Variants in EPHA6 observed in about 807,000 individuals in gnomAD.
The protein encoded by EPHA6 is ephrin type-A receptor 6.
A neutral mutation model predicts 112.0 loss-of-function variants in EPHA6; 50 were observed. That is an observed-to-expected ratio of 0.45 (90% confidence interval 0.36 to 0.56). The LOEUF (loss-of-function observed/expected upper bound fraction) is 0.56, where lower values mean the gene tolerates loss of function less well. Among genes scored for constraint, EPHA6 ranks in the 20% least tolerant of loss-of-function variants. The pLI is 0.00. For missense variants in EPHA6, 1,280 were observed against 1,417.4 expected, an observed-to-expected ratio of 0.90 and a Z score of 1.56; for synonymous variants, 529 against 490.7, an observed-to-expected ratio of 1.08 and a Z score of -1.03.
intron 10 of EPHA6, among the ~76,000 whole-genome samples, chr3:97,514,462 A>T (rs1327509451): frequency 6.6e-6 from 1 of 152,138 alleles, no homozygotes; most frequent in Non-Finnish European, 1.5e-5. Context: ...CTTTTTTGCT[A>T]AACATGGTAA....
intron 6 of EPHA6, among the ~76,000 whole-genome samples, chr3:97,443,600 A>G (rs1236542253): frequency 6.6e-6 from 1 of 152,094 alleles, no homozygotes; most frequent in Non-Finnish European, 1.5e-5. Flanking sequence ...TGCCTCCTAT[A>G]TTACTTAATA....
intron 3 of EPHA6, among the ~76,000 whole-genome samples, chr3:96,988,536 A>G (rs1203683514): frequency 6.6e-6 from 1 of 152,180 alleles, no homozygotes; most frequent in Non-Finnish European, 1.5e-5. Context: ...TTGAATTATA[A>G]TACTTGAATT....
intron 13 of EPHA6, among the ~76,000 whole-genome samples, chr3:97,625,432 C>A (rs1030595937): frequency 1.3e-5 from 2 of 151,686 alleles, no homozygotes; most frequent in South Asian, 4.1e-4. Context: ...TATTTGAAAT[C>A]TCTTGATACT....
chr3:96,942,316 A>T (rs977548349), intron 2 of EPHA6, among the ~76,000 whole-genome samples: 1 of 152,152 alleles, frequency 6.6e-6, no homozygotes, highest in Non-Finnish European at 1.5e-5. Context: ...TAGCAATGGC[A>T]GGCACCCCTC....
At position 96,840,234 on chromosome 3, in the gene EPHA6, G is replaced by T. The variant is rs2034655387; in HGVS notation, c.385+25226G>T. ...ACAATAATAGTGATTTTCTCAGTTT[G>T]CTCTTCTGGTAACCAGATACCCAAC... On this transcript the variant is annotated intron_variant, in intron 1 of 17. Transcript: ENST00000389672. Among the ~76,000 whole-genome samples, 3 of 152,032 alleles carry T rather than the reference G, an allele frequency of 2.0e-5. No individual in the cohort carries two copies. In the South Asian group the frequency reaches 6.2e-4, roughly 32 times the overall value.
chr3:96,815,854 G>A (rs2032736385), intron 1 of EPHA6, among the ~76,000 whole-genome samples: 1 of 152,210 alleles, frequency 6.6e-6, no homozygotes, highest in East Asian at 1.9e-4. Flanking sequence ...AGTACCACCT[G>A]CATATTCTAA....
intron 15 of EPHA6, among the ~76,000 whole-genome samples, chr3:97,731,301 G>A (rs1034949363): frequency 6.6e-5 from 10 of 151,958 alleles, no homozygotes; most frequent in African/African-American, 2.4e-4. Flanking sequence ...GGAGGAGCGG[G>A]TTTAGTTTTG....
chr3:97,748,643 G>A lies in EPHA6; in HGVS notation c.3335G>A (p.Ser1112Asn), dbSNP rs1451930097. ...GGACACCAGAGACGAATAGTCAGCA[G>A]CATACAGACTTTACGTTTACACATG... ...LIGHQRRIVSSIQTLRLHMMH... is the reference protein window; with the variant it reads ...LIGHQRRIVSNIQTLRLHMMH... The change falls in exon 18 of 18, where the codon AGC becomes AAC. Residue 1112 changes from serine (S) to asparagine (N), a missense_variant. Physicochemically the swap from Ser to Asn is conservative, Grantham distance 46. This residue lies in a region of EPHA6 where 145 missense variants were observed against 153.3 expected (regional missense o/e 0.95). Coordinates refer to ENST00000389672, the MANE Select transcript of EPHA6 (RefSeq NM_001080448.3). The A allele has an allele frequency of 6.2e-7, 1 of 1,612,518 alleles. No homozygotes were observed. The highest frequency in any genetic ancestry group is 1.1e-5 in the South Asian group (1 of 90,950).
At chr3:97,640,964 A>G (rs1021797170) in intron 14 of EPHA6, among the ~76,000 whole-genome samples, 25 of 152,282 alleles carry the variant, frequency 1.6e-4, no homozygotes, top group African/African-American at 6.0e-4. Flanking sequence ...ACATAAATTA[A>G]CATGTTCATT....
intron 11 of EPHA6, among the ~76,000 whole-genome samples, chr3:97,532,984 G>A (rs2092712470): frequency 6.6e-6 from 1 of 151,762 alleles, no homozygotes; most frequent in Non-Finnish European, 1.5e-5. Context: ...CTATATAAAT[G>A]GCATTAGGAG....
At chr3:97,264,933 A>G (rs947569410) in intron 5 of EPHA6, among the ~76,000 whole-genome samples, 1 of 152,184 alleles carries the variant, frequency 6.6e-6, no homozygotes, top group African/African-American at 2.4e-5. Flanking sequence ...TTCAGGTCTC[A>G]GCAGAGAGCA....
intron 14 of EPHA6, among the ~76,000 whole-genome samples, chr3:97,674,643 C>T (rs2031181212): frequency 6.6e-6 from 1 of 152,130 alleles, no homozygotes; most frequent in South Asian, 2.1e-4. Context: ...AGTACAGTGG[C>T]TTCTGCTTAT....
At chr3:97,073,699 A>G (rs191694187) in intron 3 of EPHA6, among the ~76,000 whole-genome samples, 1 of 152,218 alleles carries the variant, frequency 6.6e-6, no homozygotes, top group Non-Finnish European at 1.5e-5. Flanking sequence ...ATATGATATA[A>G]ATCGCTAAGA....
At chr3:97,219,895 A>G (rs1337329438) in intron 3 of EPHA6, among the ~76,000 whole-genome samples, 1 of 152,186 alleles carries the variant, frequency 6.6e-6, no homozygotes, top group Non-Finnish European at 1.5e-5. Context: ...ATTTCAAACC[A>G]TCTCTTTGTG....
At chr3:97,032,883 G>A (rs2044924820) in intron 3 of EPHA6, among the ~76,000 whole-genome samples, 1 of 151,908 alleles carries the variant, frequency 6.6e-6, no homozygotes, top group South Asian at 2.1e-4. Flanking sequence ...GTGAACTGAA[G>A]TAAAGTATAT....
At chr3:97,676,240 G>C (rs2031364886) in intron 14 of EPHA6, among the ~76,000 whole-genome samples, 1 of 152,026 alleles carries the variant, frequency 6.6e-6, no homozygotes, top group Admixed American at 6.6e-5. Flanking sequence ...GAGAGGCTGA[G>C]AATATGAGGA....
intron 14 of EPHA6, among the ~76,000 whole-genome samples, chr3:97,666,056 C>CA (rs774844509): frequency 0.012 from 1,160 of 100,722 alleles, 15 homozygotes; most frequent in African/African-American, 0.029. Flanking sequence ...GACTCCATCT[C>CA]AAAAAAAAAA....
At position 96,987,786 on chromosome 3, in the gene EPHA6, T is replaced by G; in HGVS notation, c.907T>G (p.Phe303Val). Residue 303 changes from phenylalanine (F) to valine (V), a missense_variant, in exon 3 of 18, where the codon TTC becomes GTC. Phe to Val is a conservative substitution (Grantham distance 50). Transcript: ENST00000389672. ...CCGTGTTTTCTACAAGAAATGCCCC[T>G]TCACTGTTCGTAACTTGGCCATGTT... ...SVRVFYKKCPFTVRNLAMFPD... is the reference protein window; with the variant it reads ...SVRVFYKKCPVTVRNLAMFPD... 6.2e-7 allele frequency: 1 copy of G among 1,614,042 alleles called. No individual in the cohort carries two copies. Among genetic ancestry groups the G allele is most frequent in the Non-Finnish European group, 8.5e-7 (1 of 1,179,928 alleles).
At chr3:97,468,140 G>GA (rs767637133) in intron 7 of EPHA6, among the ~76,000 whole-genome samples, 5,991 of 123,882 alleles carry the variant, frequency 0.048, 292 homozygotes, top group African/African-American at 0.15. Flanking sequence ...ATCACTTTCT[G>GA]AAAAAAAAAA....
Sources: allele counts gnomAD v4.1 joint callset (sites outside exome capture counted in the v4.1 genomes callset), GRCh38; gene constraint gnomAD v4.1.1; regional missense constraint gnomAD v4.1.1; transcripts MANE v1.5; gene names NCBI Gene and HGNC (gene_info 2026-07-23, HGNC 2026-07-21).